The following BLNK variants were observed in gnomAD, a reference collection of about 807,000 sequenced individuals.
The protein encoded by BLNK is B cell linker.
Under a neutral mutation model 73.5 loss-of-function variants are expected in BLNK, and 29 were observed. The observed-to-expected ratio is 0.39, with a 90% CI of 0.29 to 0.54. The LOEUF is 0.54. Ranked by LOEUF, BLNK falls within the 20% of genes least tolerant of loss-of-function variation. The probability of loss-of-function intolerance (pLI) is 0.61; values close to 1 mark genes in which losing one functional copy is unlikely to be tolerated. For synonymous variants in BLNK, 176 were observed against 200.8 expected, an observed-to-expected ratio of 0.88 and a Z score of 1.04; for missense variants, 460 against 562.8, an observed-to-expected ratio of 0.82 and a Z score of 1.85.
chr10:96,247,883 A>G (rs1843115708), intron 1 of BLNK, among the ~76,000 whole-genome samples: 2 of 152,254 alleles, frequency 1.3e-5, no homozygotes. Flanking sequence ...GGAAACCCCT[A>G]GAAGGAAAAT....
intron 1 of BLNK, among the ~76,000 whole-genome samples, chr10:96,267,121 G>A (rs555830462): frequency 4.7e-4 from 71 of 152,290 alleles, no homozygotes; most frequent in African/African-American, 1.6e-3. Flanking sequence ...GAGATAAAAT[G>A]GTAGCCTTTG....
chr10:96,220,676 C>G (rs12250448), intron 6 of BLNK, among the ~76,000 whole-genome samples: 1 of 151,906 alleles, frequency 6.6e-6, no homozygotes, highest in Non-Finnish European at 1.5e-5. Flanking sequence ...AACTTGACTT[C>G]AGTGAATCAG....
chr10:96,212,410 C>T (rs1258737299), intron 8 of BLNK, among the ~76,000 whole-genome samples: 1 of 152,198 alleles, frequency 6.6e-6, no homozygotes, highest in African/African-American at 2.4e-5. Flanking sequence ...TCACTTAATT[C>T]TCATGGTATC....
chr10:96,215,189 T>G, intron 8 of BLNK, 132 bp downstream of exon 8: 148 of 982,764 alleles, frequency 1.5e-4, no homozygotes, highest in Middle Eastern at 5.8e-4. Context: ...AGACAGTGCA[T>G]GAGGATGAGG....
At chr10:96,251,437 TTTTACTGA>T (rs1843282206) in intron 1 of BLNK, among the ~76,000 whole-genome samples, 1 of 152,236 alleles carries the variant, frequency 6.6e-6, no homozygotes, top group South Asian at 2.1e-4. Flanking sequence ...ACAGCAATCC[TTTTACTGA>T]GATGAGTTGT....
intron 4 of BLNK, 53 bp from the exon 5 acceptor site, chr10:96,227,619 G>T: frequency 6.2e-7 from 1 of 1,611,412 alleles, no homozygotes. Context: ...GTGCTGCCTG[G>T]CCGTCAGGAC....
At chr10:96,224,946 C>T (rs968796810) in intron 5 of BLNK, among the ~76,000 whole-genome samples, 16 of 152,178 alleles carry the variant, frequency 1.1e-4, no homozygotes, top group Non-Finnish European at 2.2e-4. Flanking sequence ...GATTCACCCA[C>T]CTCAGCCTCC....
chr10:96,219,075 C>G (rs1458722275), intron 6 of BLNK, among the ~76,000 whole-genome samples: 3 of 152,222 alleles, frequency 2.0e-5, no homozygotes, highest in Non-Finnish European at 4.4e-5. Flanking sequence ...ACTTGCTCCT[C>G]TGTGGCACAG....
chr10:96,230,406 T>G (rs1304510448), intron 4 of BLNK, among the ~76,000 whole-genome samples: 3 of 152,164 alleles, frequency 2.0e-5, no homozygotes, highest in African/African-American at 7.2e-5. Flanking sequence ...TTGGTTCGTT[T>G]AGGGCTCCTG....
chr10:96,222,054 C>G (rs1258373217), intron 6 of BLNK, among the ~76,000 whole-genome samples: 3 of 152,148 alleles, frequency 2.0e-5, no homozygotes, highest in African/African-American at 4.8e-5. Context: ...TGTCAAGGCT[C>G]TAGAATATGG....
intron 6 of BLNK, among the ~76,000 whole-genome samples, chr10:96,221,130 C>T (rs1554901076): frequency 6.6e-6 from 1 of 152,204 alleles, no homozygotes; most frequent in Admixed American, 6.5e-5. Context: ...AGCCCCTTTA[C>T]ACCTTTGTTT....
At chr10:96,249,879 A>C (rs1252753919) in intron 1 of BLNK, among the ~76,000 whole-genome samples, 1 of 152,118 alleles carries the variant, frequency 6.6e-6, no homozygotes, top group Non-Finnish European at 1.5e-5. Context: ...TGGGGAAGAG[A>C]GTGTTCCACT....
intron 3 of BLNK, 65 bp downstream of exon 3, chr10:96,242,670 C>T: frequency 7.0e-7 from 1 of 1,434,728 alleles, no homozygotes; most frequent in Non-Finnish European, 9.8e-7. Context: ...TTTCCATAAG[C>T]CTAAATGTAA....
intron 1 of BLNK, among the ~76,000 whole-genome samples, chr10:96,259,670 CTTTTTTTTTTT>C (rs57821919): frequency 6.7e-5 from 3 of 44,872 alleles, no homozygotes; most frequent in Non-Finnish European, 3.7e-5. Context: ...CACACCCTAC[CTTTTTTTTTTT>C]TTTTTTTTTT....
intron 15 of BLNK, chr10:96,199,354 ATT>A (rs2083564493): frequency 3.9e-6 from 1 of 256,366 alleles, no homozygotes; most frequent in African/African-American, 2.2e-5. Context: ...ACTTCCAGGT[ATT>A]TTTTGTTTGT....
chr10:96,266,815 C>A (rs559824938), intron 1 of BLNK, among the ~76,000 whole-genome samples: 2 of 152,314 alleles, frequency 1.3e-5, no homozygotes, highest in East Asian at 3.9e-4. Context: ...AGAGAGACAG[C>A]AAATGCCACT....
At chr10:96,198,414 G>A (rs1554895223) in intron 15 of BLNK, among the ~76,000 whole-genome samples, 1 of 152,096 alleles carries the variant, frequency 6.6e-6, no homozygotes, top group African/African-American at 2.4e-5. Flanking sequence ...GTATTGAAAG[G>A]GCTTCTGTCT....
At chr10:96,199,912 T>C in intron 15 of BLNK, 163 bp downstream of exon 15, 1 of 358,736 alleles carries the variant, frequency 2.8e-6, no homozygotes, top group Non-Finnish European at 4.8e-6. Context: ...TAATCCCAGC[T>C]GCTTGGGAGG....
intron 16 of BLNK, among the ~76,000 whole-genome samples, chr10:96,195,985 A>G (rs1288707805): frequency 6.6e-6 from 1 of 152,234 alleles, no homozygotes; most frequent in Non-Finnish European, 1.5e-5. Flanking sequence ...ACAGAGATGA[A>G]AAGACATTGT....
Sources: gnomAD v4.1 joint callset for allele counts (sites outside exome capture counted in the v4.1 genomes callset) on GRCh38, gnomAD v4.1.1 for gene constraint, MANE v1.5 for transcripts, NCBI Gene and HGNC (gene_info 2026-07-23, HGNC 2026-07-21) for gene names.